The following GPR149 variants were observed in gnomAD, a reference collection of about 807,000 sequenced individuals.
GPR149 encodes the protein G protein-coupled receptor 149.
In GPR149, 50 loss-of-function variants were observed where a neutral mutation model predicts 50.2. That is an observed-to-expected ratio of 1.00 (90% CI 0.79 to 1.26). GPR149 has a LOEUF of 1.26. Ranked by LOEUF, GPR149 falls within the 50% of genes most tolerant of loss-of-function variation. GPR149 has a pLI of 0.00. For synonymous variants in GPR149, 405 were observed against 358.2 expected (o/e 1.13, Z -1.48); for missense variants, 983 against 895.4 (o/e 1.10, Z -1.25).
At chr3:154,405,928 A>G (rs1711673896) in intron 3 of GPR149, among the ~76,000 whole-genome samples, 1 of 151,964 alleles carries the variant, frequency 6.6e-6, no homozygotes, top group African/African-American at 2.4e-5. Context: ...AATTTTTATT[A>G]TAAACAAAAA....
Position 154,337,495 on chromosome 3 carries a change from C to A in GPR149, c.*204G>T, listed in dbSNP as rs1265197758. 6.6e-6 allele frequency among the ~76,000 whole-genome samples: 1 copy of A among 152,150 alleles called. No homozygotes were observed. Among genetic ancestry groups the A allele is most frequent in the African/African-American group, 2.4e-5 (1 of 41,432 alleles). On this transcript the variant is annotated 3_prime_UTR_variant, in exon 4 of 4. Coordinates refer to ENST00000389740, the MANE Select transcript of GPR149 (RefSeq NM_001038705.3). ...GATAAGAAGTAAAATCTTTTCATTA[C>A]CACAGTGTGTGATCTTTAGGTAACA...
At chr3:154,427,413 T>C in intron 2 of GPR149, 103 bp downstream of exon 2, 2 of 868,576 alleles carry the variant, frequency 2.3e-6, no homozygotes, top group Non-Finnish European at 3.6e-6. Flanking sequence ...ACATTTATCC[T>C]TGGACTCTCC....
intron 2 of GPR149, among the ~76,000 whole-genome samples, chr3:154,424,929 C>A: frequency 6.7e-6 from 1 of 150,250 alleles, no homozygotes; most frequent in Non-Finnish European, 1.5e-5. Context: ...ATGTGTTTGA[C>A]ATTTAGCTGT....
At chr3:154,387,062 T>C (rs1325564350) in intron 3 of GPR149, among the ~76,000 whole-genome samples, 1 of 152,182 alleles carries the variant, frequency 6.6e-6, no homozygotes, top group Non-Finnish European at 1.5e-5. Flanking sequence ...TAACTGAATA[T>C]ATATAAAACA....
intron 3 of GPR149, among the ~76,000 whole-genome samples, chr3:154,397,948 C>A (rs1715332224): frequency 6.6e-6 from 1 of 151,858 alleles, no homozygotes; most frequent in African/African-American, 2.4e-5. Flanking sequence ...AAAAATCAAC[C>A]AAAGTATTCT....
At chr3:154,360,151 G>T (rs1434266481) in intron 3 of GPR149, among the ~76,000 whole-genome samples, 1 of 152,198 alleles carries the variant, frequency 6.6e-6, no homozygotes, top group African/African-American at 2.4e-5. Context: ...GTAAGAGATG[G>T]TTTAAAGTAA....
chr3:154,384,335 A>C lies in GPR149; in HGVS notation c.1623+36704T>G, dbSNP rs143448864. 7.1e-4 allele frequency among the ~76,000 whole-genome samples: 108 copies of C among 152,336 alleles called. 2 individuals are homozygous for C. In the East Asian group the frequency reaches 0.02, roughly 28 times the overall value. On this transcript the variant is annotated intron_variant, in intron 3 of 3. Transcript: ENST00000389740. ...AGCATAAAAAGAATTATTCAAGACC[A>C]AGGTTATTTGCCTCATCAGTAACTG... is the stretch of plus-strand genomic sequence containing the variant.
rs994144844 is a variant in GPR149, at chr3:154,336,482, T to A, written c.*1217A>T. ...ATAAACTTTTAGGTAATACATTTCA[T>A]ATATGTTTACAGGAAGGTTAGAATA... On this transcript the variant is annotated 3_prime_UTR_variant, in exon 4 of 4. Transcript: ENST00000389740. 6 of 152,102 alleles carry A rather than the reference T, an allele frequency of 3.9e-5. No homozygotes were observed. The highest frequency in any genetic ancestry group is 1.4e-4 in the African/African-American group (6 of 41,460). 9.4% of individuals were successfully genotyped at this position (152,102 alleles called of 1,614,324 possible). A position where few individuals can be genotyped will look rare whatever the true frequency, so the allele number is the denominator to read the frequency against.
At chr3:154,407,730 A>G (rs1046763222) in intron 3 of GPR149, among the ~76,000 whole-genome samples, 6 of 152,120 alleles carry the variant, frequency 3.9e-5, no homozygotes, top group Non-Finnish European at 7.4e-5. Context: ...ATATATATAT[A>G]TATATTTCCT....
intron 3 of GPR149, among the ~76,000 whole-genome samples, chr3:154,355,181 C>T (rs930875503): frequency 2.0e-5 from 3 of 152,076 alleles, no homozygotes; most frequent in Non-Finnish European, 4.4e-5. Context: ...GTCCGTGCCA[C>T]CAGGCCCAGC....
Position 154,427,695 on chromosome 3 carries a change from A to G in GPR149, c.995T>C (p.Val332Ala), listed in dbSNP as rs760303909. ...LWLPMMMHMV[V>A]QNVVGFQSLP... ...GCTCTGAAACCCCACGACGTTCTGGACCACCATGTGCATCTGCAAGGGCAA... is the reference window on the plus strand; with the variant it reads ...GCTCTGAAACCCCACGACGTTCTGGGCCACCATGTGCATCTGCAAGGGCAA... Residue 332 changes from valine to alanine, a missense_variant, in exon 2 of 4, where the codon GTC becomes GCC. Transcript: ENST00000389740. 13 of 1,612,524 alleles carry G rather than the reference A, an allele frequency of 8.1e-6. No homozygotes were observed. The highest frequency in any genetic ancestry group is 1.1e-5 in the Non-Finnish European group (13 of 1,179,204).
At chr3:154,398,968 A>G (rs1715358125) in intron 3 of GPR149, among the ~76,000 whole-genome samples, 1 of 152,146 alleles carries the variant, frequency 6.6e-6, no homozygotes, top group South Asian at 2.1e-4. Flanking sequence ...CTCTAATTAA[A>G]ATTGGAACAC....
intron 2 of GPR149, among the ~76,000 whole-genome samples, chr3:154,426,383 T>G (rs1712294588): frequency 6.6e-6 from 1 of 152,198 alleles, no homozygotes; most frequent in African/African-American, 2.4e-5. Context: ...GTCGTTGAAT[T>G]GATGGCAGAG....
At chr3:154,357,453 C>G (rs1394655006) in intron 3 of GPR149, among the ~76,000 whole-genome samples, 1 of 152,076 alleles carries the variant, frequency 6.6e-6, no homozygotes, top group South Asian at 2.1e-4. Context: ...GGCTAATATC[C>G]AGAATCTACA....
intron 3 of GPR149, among the ~76,000 whole-genome samples, chr3:154,384,928 C>T (rs952468196): frequency 1.3e-5 from 2 of 152,204 alleles, no homozygotes; most frequent in African/African-American, 4.8e-5. Context: ...ATTGCTGCCT[C>T]CTCTTCATCT....
At chr3:154,367,887 T>A (rs1405612523) in intron 3 of GPR149, among the ~76,000 whole-genome samples, 2 of 152,186 alleles carry the variant, frequency 1.3e-5, no homozygotes, top group Non-Finnish European at 2.9e-5. Flanking sequence ...CGCTTGCTAT[T>A]CTGTCCTGTC....
chr3:154,374,923 G>A (rs1362940029), intron 3 of GPR149, among the ~76,000 whole-genome samples: 2 of 152,128 alleles, frequency 1.3e-5, no homozygotes, highest in Non-Finnish European at 2.9e-5. Flanking sequence ...CCTCTGGCTA[G>A]CCTTCCAAGC....
intron 3 of GPR149, among the ~76,000 whole-genome samples, chr3:154,403,269 T>G (rs1052845305): frequency 1.3e-5 from 2 of 152,200 alleles, no homozygotes; most frequent in South Asian, 4.2e-4. Context: ...GCTATTGAAA[T>G]TAAGAAAGAG....
rs987705230 is a variant in GPR149, at chr3:154,402,369, T to A, written c.1623+18670A>T. Reference sequence around the variant, plus strand: ...AGTTGGAGGCTATGGTGAGCTATGATCATACCACTGCACTCCAGCCTAGAT... The same window carrying A: ...AGTTGGAGGCTATGGTGAGCTATGAACATACCACTGCACTCCAGCCTAGAT... On this transcript the variant is annotated intron_variant, in intron 3 of 3. Coordinates refer to ENST00000389740, the MANE Select transcript of GPR149 (RefSeq NM_001038705.3). 2.6e-5 allele frequency among the ~76,000 whole-genome samples: 4 copies of A among 151,414 alleles called. No homozygotes were observed. In the East Asian group the frequency reaches 7.8e-4, roughly 29 times the overall value.
Sources: gnomAD v4.1 joint callset for allele counts (sites outside exome capture counted in the v4.1 genomes callset) on GRCh38, gnomAD v4.1.1 for gene constraint, MANE v1.5 for transcripts, NCBI Gene and HGNC (gene_info 2026-07-23, HGNC 2026-07-21) for gene names.